METTL2A: variants seen among roughly 807,000 people sequenced by gnomAD.
METTL2A encodes the protein methyltransferase 2A, tRNA N3-cytidine.
A neutral mutation model predicts 49.4 loss-of-function variants in METTL2A; 45 were observed. That is an observed-to-expected ratio of 0.91 (90% CI 0.72 to 1.17). METTL2A has a LOEUF of 1.17. Ranked by LOEUF, METTL2A falls within the 50% of genes most tolerant of loss-of-function variation. The pLI, the probability that METTL2A is intolerant of heterozygous loss-of-function variation, is 0.00. For missense variants in METTL2A, 361 were observed against 462.2 expected (o/e 0.78, Z 2.01); for synonymous variants, 118 against 167.5 (o/e 0.70, Z 2.28).
At chr17:62,445,564 C>T (rs1166396368) in intron 7 of METTL2A, among the ~76,000 whole-genome samples, 1 of 151,982 alleles carries the variant, frequency 6.6e-6, no homozygotes, top group Admixed American at 6.6e-5. Flanking sequence ...TTTGGGAGGC[C>T]GAGGTGGGTG....
chr17:62,441,362 A>G (rs1415728057), intron 6 of METTL2A, among the ~76,000 whole-genome samples: 2 of 152,124 alleles, frequency 1.3e-5, no homozygotes, highest in Non-Finnish European at 2.9e-5. Context: ...ATTCCTATTG[A>G]TAGTCTCATC....
At chr17:62,434,001 G>T (rs1235471216) in intron 4 of METTL2A, among the ~76,000 whole-genome samples, 5 of 152,132 alleles carry the variant, frequency 3.3e-5, no homozygotes, top group African/African-American at 7.2e-5. Flanking sequence ...GGCAAAGACT[G>T]CAATGAGTCT....
intron 5 of METTL2A, among the ~76,000 whole-genome samples, chr17:62,440,031 T>C (rs540175236): frequency 4.4e-4 from 67 of 151,928 alleles, no homozygotes; most frequent in African/African-American, 1.4e-3. Flanking sequence ...TTTTTTTTTT[T>C]TTTCTTTTTT....
At position 62,448,752 on chromosome 17, in the gene METTL2A, T is replaced by G; in HGVS notation, c.*23T>G. 6.2e-7 allele frequency: 1 copy of G among 1,612,030 alleles called. No individual in the cohort carries two copies. The highest frequency in any genetic ancestry group is 8.5e-7 in the Non-Finnish European group (1 of 1,178,812). ...TGAGAGGCACCTGCTGCCAACACGA[T>G]GCAAGCCCATTGTGTTTCCGGGCTT... is the stretch of plus-strand genomic sequence containing the variant. On this transcript the variant is annotated 3_prime_UTR_variant, in exon 9 of 9. Transcript: ENST00000311506.
intron 7 of METTL2A, among the ~76,000 whole-genome samples, chr17:62,445,444 C>T (rs1005172255): frequency 1.8e-4 from 27 of 152,036 alleles, no homozygotes; most frequent in African/African-American, 6.3e-4. Flanking sequence ...CTTGTATAAT[C>T]TAGATATTGA....
In METTL2A at chr17:62,428,173, T is replaced by A. The variant is rs142011429; in HGVS notation, c.608+336T>A. On this transcript the variant is annotated intron_variant, in intron 4 of 8. Coordinates refer to ENST00000311506, the MANE Select transcript of METTL2A (RefSeq NM_181725.4). ...CTTGCTAGTGTTAACATTTAGCGCC[T>A]TCTTCTTCTTCTAAGGAACAAATGT... Among the ~76,000 whole-genome samples the A allele has an allele frequency of 2.0e-5, 3 of 151,982 alleles. No individual in the cohort carries two copies. In the East Asian group the frequency reaches 5.8e-4, roughly 29 times the overall value.
intron 6 of METTL2A, among the ~76,000 whole-genome samples, chr17:62,443,584 T>TTTTG (rs887038449): frequency 1.3e-5 from 2 of 152,096 alleles, no homozygotes; most frequent in Admixed American, 6.6e-5. Context: ...CCCAGCTGTT[T>TTTTG]TTTGTTTGTT....
chr17:62,438,603 C>T (rs1198414016), intron 5 of METTL2A, among the ~76,000 whole-genome samples: 2 of 150,512 alleles, frequency 1.3e-5, no homozygotes, highest in Non-Finnish European at 3.0e-5. Context: ...AAGAGTCTGT[C>T]ACAATTATGT....
chr17:62,427,821 A>G lies in METTL2A; in HGVS notation c.592A>G (p.Ile198Val), dbSNP rs367574600. The change falls in exon 4 of 9, where the codon ATT becomes GTT. Residue 198 changes from isoleucine to valine, a missense_variant. Physicochemically the swap from Ile to Val is conservative, Grantham distance 29. Around this residue, in one of 3 missense-constraint regions of METTL2A, gnomAD observed 28 missense variants for 75.6 expected, o/e 0.37. Coordinates refer to ENST00000311506, the MANE Select transcript of METTL2A (RefSeq NM_181725.4). The stretch of plus-strand genomic sequence containing the variant: ...TGGTGTGGGAAACACAGTCTTTCCA[A>G]TTTTACAAACGAACAAGTAAGTATG... ...GCGVGNTVFP[I>V]LQTNNDPGLF... The G allele has an allele frequency of 8.1e-6, 13 of 1,606,160 alleles. No homozygotes were observed. The African/African-American group carries it at 1.5e-4, about 18-fold the overall frequency.
rs552500565 is a variant in METTL2A, at chr17:62,424,856, G to C, written c.202+546G>C. Among the ~76,000 whole-genome samples, 13 of 151,790 alleles carry C rather than the reference G, an allele frequency of 8.6e-5. No homozygotes were observed. In the East Asian group the frequency reaches 2.5e-3, roughly 29 times the overall value. ...AGAAAAGGAGGCCCCTGCTTGAGAGGTGGATGATTTCACTGCAAAATATCC... is the reference window on the plus strand; with the variant it reads ...AGAAAAGGAGGCCCCTGCTTGAGAGCTGGATGATTTCACTGCAAAATATCC... On this transcript the variant is annotated intron_variant, in intron 2 of 8. Transcript: ENST00000311506.
intron 4 of METTL2A, among the ~76,000 whole-genome samples, chr17:62,429,300 A>AT (rs1157488963): frequency 6.6e-6 from 1 of 151,868 alleles, no homozygotes; most frequent in Non-Finnish European, 1.5e-5. Context: ...TTCATTATGA[A>AT]TAACAAAAGA....
chr17:62,443,752 G>A (rs2070751452), intron 6 of METTL2A, among the ~76,000 whole-genome samples: 1 of 152,148 alleles, frequency 6.6e-6, no homozygotes, highest in African/African-American at 2.4e-5. Flanking sequence ...ACCATCCCTG[G>A]CTAATTTTTT....
chr17:62,437,292 G>A (rs1323092220), intron 5 of METTL2A, among the ~76,000 whole-genome samples: 11 of 151,934 alleles, frequency 7.2e-5, no homozygotes, highest in Admixed American at 3.3e-4. Flanking sequence ...TAACAGAAAC[G>A]TCTAGACAAA....
chr17:62,434,794 A>G (rs1387169126), intron 4 of METTL2A: 1 of 183,950 alleles, frequency 5.4e-6, no homozygotes, highest in Non-Finnish European at 1.2e-5. Flanking sequence ...TGAACTAATA[A>G]GCGAAAGATA....
At position 62,424,233 on chromosome 17, in the gene METTL2A, G is replaced by C. The variant is rs1196201147; in HGVS notation, c.125G>C (p.Trp42Ser). The change falls in exon 2 of 9, where the codon TGG (tryptophan) becomes TCG (serine). Residue 42 changes from tryptophan to serine, a missense_variant. By Grantham distance (177) the Trp-to-Ser change is radical. Transcript: ENST00000311506. ...GATTTTCTCAGGGACAATGTGGAGT[G>C]GTCGGAAGAGCAAGCCGCGGCGGCG... ...FHHNAWDNVE[W>S]SEEQAAAAER... 1.9e-6 allele frequency: 3 copies of C among 1,614,058 alleles called. No individual in the cohort carries two copies. In the African/African-American group the frequency reaches 4.0e-5, roughly 22 times the overall value.
At chr17:62,429,066 A>G in intron 4 of METTL2A, among the ~76,000 whole-genome samples, 1 of 151,600 alleles carries the variant, frequency 6.6e-6, no homozygotes, top group Non-Finnish European at 1.5e-5. Flanking sequence ...AATTACATGC[A>G]TAAGTCACCG....
chr17:62,427,924 A>C, intron 4 of METTL2A, 87 bp downstream of exon 4: 1 of 1,308,212 alleles, frequency 7.6e-7, no homozygotes, highest in Admixed American at 2.4e-5. Flanking sequence ...TAATCCCAGC[A>C]CTTTGGGAGG....
At chr17:62,432,079 A>G (rs1355946387) in intron 4 of METTL2A, among the ~76,000 whole-genome samples, 1 of 152,284 alleles carries the variant, frequency 6.6e-6, no homozygotes, top group African/African-American at 2.4e-5. Context: ...AGTCAACTTC[A>G]GGACATTTTC....
chr17:62,432,526 G>A (rs886344979), intron 4 of METTL2A, among the ~76,000 whole-genome samples: 6 of 152,084 alleles, frequency 3.9e-5, no homozygotes, highest in South Asian at 2.1e-4. Flanking sequence ...GCCGCCAGGC[G>A]CTGTGGCTCA....
Sources: gnomAD v4.1 joint callset for allele counts (sites outside exome capture counted in the v4.1 genomes callset) on GRCh38, gnomAD v4.1.1 for gene constraint, gnomAD v4.1.1 regional missense constraint, MANE v1.5 for transcripts, NCBI Gene and HGNC (gene_info 2026-07-23, HGNC 2026-07-21) for gene names.